Variants in UBE2W observed in about 807,000 individuals in gnomAD.
UBE2W encodes the protein ubiquitin conjugating enzyme E2 W.
In UBE2W, 18 loss-of-function variants were observed where a neutral mutation model predicts 27.2. The ratio of observed to expected loss-of-function variants is 0.66; its 90% confidence interval spans 0.46 to 0.98. The LOEUF is 0.98. Ranked by LOEUF, UBE2W falls within the 50% of genes least tolerant of loss-of-function variation. The pLI, the probability that UBE2W is intolerant of heterozygous loss-of-function variation, is 0.00. For synonymous variants in UBE2W, 53 were observed against 57.2 expected, an observed-to-expected ratio of 0.93 and a Z score of 0.33; for missense variants, 90 against 180.2, an observed-to-expected ratio of 0.50 and a Z score of 2.87.
rs1011264768 is a variant in UBE2W at position 73,822,627 on chromosome 8, A to T, written c.210+2520T>A. On this transcript the variant is annotated intron_variant, in intron 3 of 5. Coordinates refer to ENST00000602593, the MANE Select transcript of UBE2W (RefSeq NM_018299.6). ...CAAAAAAAAAAAAAAAAAAAAAAAA[A>T]AAAAAAATTAGCTGGGTGTGGTGGC... Among the ~76,000 whole-genome samples the T allele has an allele frequency of 1.3e-3, 188 of 140,884 alleles. 1 individual carries two copies. The highest frequency in any genetic ancestry group is 3.2e-3 in the African/African-American group (108 of 34,100). The allele number at this position is 140,884 out of a possible 152,430, so 92.4% of individuals were successfully genotyped here. A position where few individuals can be genotyped will look rare whatever the true frequency, so the allele number is the denominator to read the frequency against.
In UBE2W at chr8:73,786,746, G is replaced by A. The variant is rs1299079861; in HGVS notation, c.*7356C>T. 1 of 985,254 alleles carries A rather than the reference G, an allele frequency of 1.0e-6. No homozygotes were observed. The highest frequency in any genetic ancestry group is 1.2e-6 in the Non-Finnish European group (1 of 829,920). 61.0% of individuals were successfully genotyped at this position (985,254 alleles called of 1,614,324 possible). On this transcript the variant is annotated 3_prime_UTR_variant, in exon 6 of 6. Transcript: ENST00000602593. ...TAGTGAAAGGCCCTAATGGTAAGGA[G>A]ACTGGAGAGAAGGTAGAAATCTCAG...
At chr8:73,822,341 TG>T (rs1164221960) in intron 3 of UBE2W, among the ~76,000 whole-genome samples, 1 of 151,994 alleles carries the variant, frequency 6.6e-6, no homozygotes, top group Non-Finnish European at 1.5e-5. Context: ...GCTGGGAAGG[TG>T]ACCGCTTCCA....
At chr8:73,876,770 A>T (rs1586560281) in intron 1 of UBE2W, among the ~76,000 whole-genome samples, 1 of 152,150 alleles carries the variant, frequency 6.6e-6, no homozygotes, top group Non-Finnish European at 1.5e-5. Context: ...GGAGTTCAAG[A>T]CCAGCCTGAC....
Position 73,793,202 on chromosome 8 carries a change from C to G in UBE2W, c.*900G>C. On this transcript the variant is annotated 3_prime_UTR_variant, in exon 6 of 6. Transcript: ENST00000602593. ...TAGGCAGTAGGGCTCATGCTGATGG[C>G]TAGCAGGAAGTTAACAGAGTGTAAC... The G allele has an allele frequency of 2.0e-6, 2 of 985,774 alleles. No individual in the cohort carries two copies. Among genetic ancestry groups the G allele is most frequent in the Non-Finnish European group, 2.4e-6 (2 of 829,894 alleles). 61.1% of individuals were successfully genotyped at this position (985,774 alleles called of 1,614,324 possible). A position where few individuals can be genotyped will look rare whatever the true frequency, so the allele number is the denominator to read the frequency against.
intron 1 of UBE2W, among the ~76,000 whole-genome samples, chr8:73,878,254 GGAA>G (rs1282895448): frequency 1.3e-5 from 2 of 152,220 alleles, no homozygotes; most frequent in African/African-American, 4.8e-5. Context: ...AGAGTCAAAG[GGAA>G]GAAGAGAGGG....
chr8:73,785,683 C>T (rs1258988815), downstream of UBE2W, among the ~76,000 whole-genome samples: 1 of 152,170 alleles, frequency 6.6e-6, no homozygotes. Context: ...CCTCTGCCTC[C>T]CGGATTCAAG....
chr8:73,805,472 C>CAAAAAAAAAAAAAA lies in UBE2W; in HGVS notation c.442+178_442+179insTTTTTTTTTTTTTT. Among the ~76,000 whole-genome samples, 88 of 43,676 alleles carry CAAAAAAAAAAAAAA rather than the reference C, an allele frequency of 2.0e-3. 13 individuals carry two copies. The highest frequency in any genetic ancestry group is 5.5e-3 in the East Asian group (5 of 910). The allele number at this position is 43,676 out of a possible 152,430, so 28.7% of individuals were successfully genotyped here. ...TCCATCTCAAAAAAAAAAAAAAAAA[C>CAAAAAAAAAAAAAA]AAAAAAAACTAGGGTAATTCATCCA... is the stretch of plus-strand genomic sequence containing the variant. On this transcript the variant is annotated intron_variant, in intron 5 of 5. Coordinates refer to ENST00000602593, the MANE Select transcript of UBE2W (RefSeq NM_018299.6).
chr8:73,870,599 T>C (rs1379700292), intron 1 of UBE2W, among the ~76,000 whole-genome samples: 1 of 152,100 alleles, frequency 6.6e-6, no homozygotes, highest in Non-Finnish European at 1.5e-5. Context: ...CCAAAAGCTG[T>C]GCTCACTTAT....
At chr8:73,859,025 T>TTTTTGCTTTC (rs1811431925) in intron 1 of UBE2W, among the ~76,000 whole-genome samples, 1 of 151,456 alleles carries the variant, frequency 6.6e-6, no homozygotes, top group Non-Finnish European at 1.5e-5. Context: ...TGTGGTGGTT[T>TTTTTGCTTTC]TTTTGCTTTC....
chr8:73,834,866 G>T (rs552497908), intron 1 of UBE2W, among the ~76,000 whole-genome samples: 1 of 152,134 alleles, frequency 6.6e-6, no homozygotes, highest in Non-Finnish European at 1.5e-5. Flanking sequence ...CCTAGATCAC[G>T]CGAATGCACT....
At chr8:73,841,322 C>T (rs1810526379) in intron 1 of UBE2W, among the ~76,000 whole-genome samples, 1 of 152,008 alleles carries the variant, frequency 6.6e-6, no homozygotes. Flanking sequence ...TAAACTCAGG[C>T]TGAGTAAGGA....
At chr8:73,855,863 T>C (rs1203650029) in intron 1 of UBE2W, among the ~76,000 whole-genome samples, 1 of 152,154 alleles carries the variant, frequency 6.6e-6, no homozygotes, top group African/African-American at 2.4e-5. Context: ...AAAGTTCCTT[T>C]TAGTTTAAAA....
In UBE2W at chr8:73,789,905, T is replaced by C; in HGVS notation, c.*4197A>G. 2 of 978,428 alleles carry C rather than the reference T, an allele frequency of 2.0e-6. No individual in the cohort carries two copies. Among genetic ancestry groups the C allele is most frequent in the Non-Finnish European group, 2.4e-6 (2 of 823,688 alleles). 60.6% of individuals were successfully genotyped at this position (978,428 alleles called of 1,614,324 possible). On this transcript the variant is annotated 3_prime_UTR_variant, in exon 6 of 6. Transcript: ENST00000602593. ...TCTCAAAATGACTTAGAAATTTAAA[T>C]GGAAAAAATAAATAATTTGCTTGGA... is the stretch of plus-strand genomic sequence containing the variant.
In UBE2W at chr8:73,790,915, T is replaced by C; in HGVS notation, c.*3187A>G. ...ATTATTATCCACCACAGGAATCTAA[T>C]GATATATATATTTGCATATATTTAA... On this transcript the variant is annotated 3_prime_UTR_variant, in exon 6 of 6. Transcript: ENST00000602593. 1 of 982,890 alleles carries C rather than the reference T, an allele frequency of 1.0e-6. No individual in the cohort carries two copies. Among genetic ancestry groups the C allele is most frequent in the Non-Finnish European group, 1.2e-6 (1 of 827,690 alleles). 60.9% of individuals were successfully genotyped at this position (982,890 alleles called of 1,614,324 possible).
At chr8:73,797,412 G>A (rs182798293) in intron 5 of UBE2W, among the ~76,000 whole-genome samples, 6 of 152,166 alleles carry the variant, frequency 3.9e-5, no homozygotes, top group Admixed American at 6.5e-5. Context: ...TTCCTTTAAC[G>A]AACCAATTCA....
intron 1 of UBE2W, among the ~76,000 whole-genome samples, chr8:73,877,756 A>G (rs979516493): frequency 2.0e-5 from 3 of 152,210 alleles, no homozygotes; most frequent in African/African-American, 4.8e-5. Context: ...TGATACCGCT[A>G]GTCTTCACCT....
intron 1 of UBE2W, among the ~76,000 whole-genome samples, chr8:73,842,195 A>G (rs1166774718): frequency 1.3e-5 from 2 of 152,174 alleles, no homozygotes; most frequent in Admixed American, 1.3e-4. Flanking sequence ...GGTAAATTAT[A>G]CAAATTATAG....
At chr8:73,874,228 G>C (rs1330391249) in intron 1 of UBE2W, among the ~76,000 whole-genome samples, 1 of 151,858 alleles carries the variant, frequency 6.6e-6, no homozygotes. Flanking sequence ...TCAGGAGATG[G>C]AGACCATCCT....
downstream of UBE2W, among the ~76,000 whole-genome samples, chr8:73,781,928 C>T (rs578050560): frequency 8.8e-6 from 1 of 113,846 alleles, no homozygotes; most frequent in African/African-American, 3.5e-5. Flanking sequence ...CTAAAAGCCT[C>T]CTTTTTTTTT....
Sources: allele counts gnomAD v4.1 joint callset (sites outside exome capture counted in the v4.1 genomes callset), GRCh38; gene constraint gnomAD v4.1.1; transcripts MANE v1.5; gene names NCBI Gene and HGNC (gene_info 2026-07-23, HGNC 2026-07-21).